Variants in TAFA5 observed in about 807,000 individuals in gnomAD.
TAFA5 encodes the protein TAFA chemokine like family member 5.
In TAFA5, 6 loss-of-function variants were observed where a neutral mutation model predicts 15.3. The ratio of observed to expected loss-of-function variants is 0.39; its 90% CI spans 0.21 to 0.77. The LOEUF (loss-of-function observed/expected upper bound fraction) is 0.77. Among genes scored for constraint, TAFA5 ranks in the 30% least tolerant of loss-of-function variants. The pLI, the probability that TAFA5 is intolerant of heterozygous loss-of-function variation, is 0.41. For synonymous variants in TAFA5, 103 were observed against 80.7 expected (o/e 1.28, Z -1.48); for missense variants, 161 against 193.1 (o/e 0.83, Z 0.98).
intron 1 of TAFA5, among the ~76,000 whole-genome samples, chr22:48,504,079 C>T (rs755763406): frequency 4.2e-4 from 64 of 152,322 alleles, no homozygotes; most frequent in Admixed American, 7.8e-4. Flanking sequence ...CTGGTACCAG[C>T]GATCGAGTGG....
rs538325241 is a variant in TAFA5, at chr22:48,617,926, T to C, written c.113-28671T>C. Among the ~76,000 whole-genome samples, 4 of 152,320 alleles carry C rather than the reference T, an allele frequency of 2.6e-5. No individual in the cohort carries two copies. In the East Asian group the frequency reaches 7.7e-4, roughly 29 times the overall value. ...GGTCCTGTTCTGAGCACTCTGTTCA[T>C]GGTAACCTCAGTTGTTACTCTTAAG... On this transcript the variant is annotated intron_variant, in intron 1 of 3. Transcript: ENST00000402357.
intron 1 of TAFA5, among the ~76,000 whole-genome samples, chr22:48,641,735 C>T (rs534423391): frequency 1.3e-4 from 20 of 152,094 alleles, no homozygotes; most frequent in Non-Finnish European, 2.5e-4. Context: ...TCCAGGCCAA[C>T]CCAGCGGAAA....
At chr22:48,589,904 T>G (rs1440437012) in intron 1 of TAFA5, among the ~76,000 whole-genome samples, 1 of 151,870 alleles carries the variant, frequency 6.6e-6, no homozygotes, top group Non-Finnish European at 1.5e-5. Flanking sequence ...AGCCACGAGT[T>G]TGTGGTGGTT....
intron 2 of TAFA5, among the ~76,000 whole-genome samples, chr22:48,678,393 C>T (rs1376402020): frequency 6.6e-6 from 1 of 152,206 alleles, no homozygotes; most frequent in Admixed American, 6.5e-5. Context: ...AAGACACAGG[C>T]CTCAAATCCA....
At chr22:48,581,290 C>T (rs1038506867) in intron 1 of TAFA5, among the ~76,000 whole-genome samples, 7 of 152,104 alleles carry the variant, frequency 4.6e-5, no homozygotes, top group African/African-American at 1.4e-4. Flanking sequence ...CTGCAAGGGC[C>T]GAGCCAGTCC....
chr22:48,607,547 T>C (rs1320619159), intron 1 of TAFA5, among the ~76,000 whole-genome samples: 1 of 134,970 alleles, frequency 7.4e-6, no homozygotes, highest in African/African-American at 3.0e-5. Context: ...TCCTGGGTTC[T>C]GATTAGGCCT....
intron 2 of TAFA5, among the ~76,000 whole-genome samples, chr22:48,660,370 T>C (rs1927393969): frequency 6.6e-6 from 1 of 152,162 alleles, no homozygotes; most frequent in Non-Finnish European, 1.5e-5. Context: ...CTTGCGCACA[T>C]CTCGAGTATG....
At chr22:48,681,556 C>G (rs1928187397) in intron 2 of TAFA5, among the ~76,000 whole-genome samples, 1 of 148,602 alleles carries the variant, frequency 6.7e-6, no homozygotes, top group Admixed American at 6.8e-5. Context: ...GAGGCTGAGG[C>G]AGGAGAATTG....
intron 3 of TAFA5, among the ~76,000 whole-genome samples, chr22:48,729,844 A>G (rs1929820337): frequency 6.6e-6 from 1 of 151,796 alleles, no homozygotes; most frequent in Non-Finnish European, 1.5e-5. Flanking sequence ...AAAAGTTCCA[A>G]TTATCATCTC....
At chr22:48,503,820 C>T (rs962050618) in intron 1 of TAFA5, among the ~76,000 whole-genome samples, 1 of 152,168 alleles carries the variant, frequency 6.6e-6, no homozygotes, top group Non-Finnish European at 1.5e-5. Flanking sequence ...ACACTCGCAC[C>T]CCCATCAGCT....
chr22:48,688,783 G>T lies in TAFA5; in HGVS notation c.263-18934G>T, dbSNP rs576320577. Among the ~76,000 whole-genome samples, 335 of 152,246 alleles carry T rather than the reference G, an allele frequency of 2.2e-3. 2 individuals carry two copies. Among genetic ancestry groups the T allele is most frequent in the Admixed American group, 3.9e-3 (60 of 15,286 alleles). ...AGGCTGGCGGATCACCTGAGGTCAG[G>T]AGTTCGAGATCAGCCTGACCAACAT... is the stretch of plus-strand genomic sequence containing the variant. On this transcript the variant is annotated intron_variant, in intron 2 of 3. Transcript: ENST00000402357.
In TAFA5 at chr22:48,675,943, C is replaced by T. The variant is rs146918777; in HGVS notation, c.262+29197C>T. Reference sequence around the variant, plus strand: ...CAGGCACAGGTGCCTCATTTGCCCTCATTCAGGAGCAGAGAGTTGGCGCCC... The same window carrying T: ...CAGGCACAGGTGCCTCATTTGCCCTTATTCAGGAGCAGAGAGTTGGCGCCC... On this transcript the variant is annotated intron_variant, in intron 2 of 3. Coordinates refer to ENST00000402357, the MANE Select transcript of TAFA5 (RefSeq NM_001082967.3). Among the ~76,000 whole-genome samples the T allele has an allele frequency of 2.5e-3, 388 of 152,386 alleles. 3 individuals carry two copies. The Middle Eastern group carries it at 0.058, about 23-fold the overall frequency.
chr22:48,569,572 A>C (rs1170893660), intron 1 of TAFA5, among the ~76,000 whole-genome samples: 2 of 152,126 alleles, frequency 1.3e-5, no homozygotes, highest in Admixed American at 1.3e-4. Flanking sequence ...GAGCAACCTC[A>C]GCGCTCCCGA....
intron 2 of TAFA5, among the ~76,000 whole-genome samples, chr22:48,683,291 C>T (rs757475187): frequency 2.6e-5 from 4 of 152,312 alleles, no homozygotes; most frequent in East Asian, 1.9e-4. Context: ...TACACACAGA[C>T]GAGAGTGCTG....
intron 1 of TAFA5, among the ~76,000 whole-genome samples, chr22:48,629,633 G>T (rs959033047): frequency 1.3e-5 from 2 of 152,196 alleles, no homozygotes; most frequent in African/African-American, 4.8e-5. Context: ...AGATGGTTTT[G>T]CCCCTCAGGG....
intron 1 of TAFA5, among the ~76,000 whole-genome samples, chr22:48,529,454 G>A (rs1440564183): frequency 1.5e-4 from 7 of 47,546 alleles, no homozygotes; most frequent in East Asian, 8.8e-4. Flanking sequence ...GCAGGAGATG[G>A]GGGTGTCCAG....
At chr22:48,660,975 C>T (rs561884535) in intron 2 of TAFA5, among the ~76,000 whole-genome samples, 21 of 152,208 alleles carry the variant, frequency 1.4e-4, no homozygotes, top group African/African-American at 3.6e-4. Context: ...GAAACTCTGA[C>T]GCAGGAGCAG....
intron 2 of TAFA5, among the ~76,000 whole-genome samples, chr22:48,699,568 C>T (rs1394690736): frequency 6.6e-6 from 1 of 152,046 alleles, no homozygotes; most frequent in Non-Finnish European, 1.5e-5. Flanking sequence ...TACTTAAGGA[C>T]GTGTCGCATG....
intron 1 of TAFA5, among the ~76,000 whole-genome samples, chr22:48,627,907 T>G (rs1156926734): frequency 6.6e-6 from 1 of 152,214 alleles, no homozygotes; most frequent in Non-Finnish European, 1.5e-5. Context: ...GGGTTGCATA[T>G]TCTCCAGATG....
Sources: gnomAD v4.1 joint callset for allele counts (sites outside exome capture counted in the v4.1 genomes callset) on GRCh38, gnomAD v4.1.1 for gene constraint, MANE v1.5 for transcripts, NCBI Gene and HGNC (gene_info 2026-07-23, HGNC 2026-07-21) for gene names.